Variants in RYK observed in about 807,000 individuals in gnomAD.
RYK encodes the protein inactive tyrosine-protein kinase RYK.
Under a neutral mutation model 70.2 loss-of-function variants are expected in RYK, and 21 were observed. The ratio of observed to expected loss-of-function variants is 0.30; its 90% CI spans 0.21 to 0.43. RYK has a LOEUF of 0.43. RYK is among the 20% of genes least tolerant of loss of function. The pLI is 1.00. For missense variants in RYK, 604 were observed against 753.3 expected, an observed-to-expected ratio of 0.80 and a Z score of 2.32; for synonymous variants, 267 against 278.0, an observed-to-expected ratio of 0.96 and a Z score of 0.39.
At chr3:134,229,932 T>C (rs2015012702) in intron 1 of RYK, among the ~76,000 whole-genome samples, 1 of 152,136 alleles carries the variant, frequency 6.6e-6, no homozygotes, top group African/African-American at 2.4e-5. Context: ...CTCTTACACA[T>C]TGCTAAGAGT....
chr3:134,209,524 T>G (rs1185736367), intron 4 of RYK, among the ~76,000 whole-genome samples, 171 bp downstream of exon 4: 1 of 152,222 alleles, frequency 6.6e-6, no homozygotes, highest in African/African-American at 2.4e-5. Flanking sequence ...AGTGAGATTC[T>G]TGGCTACCAA....
chr3:134,162,807 A>G (rs1490074956), intron 13 of RYK, among the ~76,000 whole-genome samples: 1 of 152,172 alleles, frequency 6.6e-6, no homozygotes, highest in Non-Finnish European at 1.5e-5. Flanking sequence ...AACAGAGCCC[A>G]AAGAAATGAA....
intron 2 of RYK, among the ~76,000 whole-genome samples, chr3:134,220,956 T>G (rs1043903959): frequency 2.0e-5 from 3 of 152,074 alleles, no homozygotes; most frequent in East Asian, 1.9e-4. Flanking sequence ...ACTTCACAGA[T>G]AGCAATATAG....
At chr3:134,181,350 T>C (rs1263365886) in intron 10 of RYK, 1 of 152,222 alleles carries the variant, frequency 6.6e-6, no homozygotes, top group African/African-American at 2.4e-5. Flanking sequence ...TCACCCTTGG[T>C]TGCCGAGAAG....
At position 134,163,231 on chromosome 3, in the gene RYK, G is replaced by A. The variant is rs796069494; in HGVS notation, c.1576-3858C>T. On this transcript the variant is annotated intron_variant, in intron 13 of 14. Transcript: ENST00000623711. The stretch of plus-strand genomic sequence containing the variant: ...AACTAACAAAAGTGATTAATTACAT[G>A]TTGGCAAACCAACCCTTAAAAAAAT... Among the ~76,000 whole-genome samples the A allele has an allele frequency of 3.3e-4, 50 of 152,266 alleles. 1 individual carries two copies. The highest frequency in any genetic ancestry group is 1.1e-3 in the African/African-American group (47 of 41,546).
chr3:134,242,412 A>G (rs1176214372), intron 1 of RYK, among the ~76,000 whole-genome samples: 3 of 152,242 alleles, frequency 2.0e-5, no homozygotes, highest in South Asian at 2.1e-4. Flanking sequence ...GTAACTGAGC[A>G]ATACACACAC....
At position 134,250,650 on chromosome 3, in the gene RYK, C is replaced by A; in HGVS notation, c.5G>T (p.Arg2Leu). ...CGGCCGCCCCAGCCGCGCCGCCCCACGCATGGCCGCCGCCGCCGCCGCCGA... is the reference window on the plus strand; with the variant it reads ...CGGCCGCCCCAGCCGCGCCGCCCCAAGCATGGCCGCCGCCGCCGCCGCCGA... M[R>L]GAARLGRPGR... The change falls in exon 1 of 15, where the codon CGT (arginine) becomes CTT (leucine). Residue 2 changes from arginine to leucine, a missense_variant. Coordinates refer to ENST00000623711, the MANE Select transcript of RYK (RefSeq NM_002958.4). 6 of 983,096 alleles carry A rather than the reference C, an allele frequency of 6.1e-6. No homozygotes were observed. The South Asian group carries it at 2.7e-4, about 44-fold the overall frequency. The allele number at this position is 983,096 out of a possible 1,614,324, so 60.9% of individuals were successfully genotyped here.
At chr3:134,201,107 T>A (rs1560013905) in intron 6 of RYK, among the ~76,000 whole-genome samples, 2 of 152,208 alleles carry the variant, frequency 1.3e-5, no homozygotes, top group Non-Finnish European at 2.9e-5. Context: ...ACCTGTATCC[T>A]CTCTCAAAGT....
chr3:134,188,150 A>ATAT (rs1560008643), intron 9 of RYK, among the ~76,000 whole-genome samples: 102 of 136,658 alleles, frequency 7.5e-4, no homozygotes, highest in African/African-American at 2.6e-3. Context: ...ACAATCTAAC[A>ATAT]ATATATATAT....
At position 134,159,320 on chromosome 3, in the gene RYK, G is replaced by A. The variant is rs373422007; in HGVS notation, c.1629C>T (p.Tyr543=). 1.2e-5 allele frequency: 20 copies of A among 1,613,860 alleles called. No individual in the cohort carries two copies. In the African/African-American group the frequency reaches 1.5e-4, roughly 12 times the overall value. The change falls in exon 14 of 15, where the codon TAC becomes TAT. Residue 543 remains tyrosine (Y), a synonymous_variant. Coordinates refer to ENST00000623711, the MANE Select transcript of RYK (RefSeq NM_002958.4). ...CCATCTCGAAGGGGTCAATGTCCAC[G>A]TAGGGAGTCTGGCCCAGAGTCATGA... is the stretch of plus-strand genomic sequence containing the variant. ...WELMTLGQTP[Y]VDIDPFEMAA... is the part of the protein sequence containing the mutation.
chr3:134,207,658 T>C, intron 4 of RYK, 133 bp from the exon 5 acceptor site: 1 of 596,102 alleles, frequency 1.7e-6, no homozygotes, highest in Non-Finnish European at 2.9e-6. Context: ...GCTATGTTAC[T>C]ATTCTGATAA....
intron 2 of RYK, among the ~76,000 whole-genome samples, chr3:134,220,582 A>G (rs532986348): frequency 6.6e-6 from 1 of 152,336 alleles, no homozygotes; most frequent in South Asian, 2.1e-4. Context: ...ACTTCTCAGC[A>G]GTAATTTACT....
At chr3:134,208,208 G>A (rs2014273616) in intron 4 of RYK, among the ~76,000 whole-genome samples, 1 of 152,186 alleles carries the variant, frequency 6.6e-6, no homozygotes, top group Non-Finnish European at 1.5e-5. Context: ...AGTATCAGCT[G>A]ATCATTAACC....
At chr3:134,250,385 C>T in intron 1 of RYK, 38 bp downstream of exon 1, 3 of 1,314,660 alleles carry the variant, frequency 2.3e-6, no homozygotes, top group Non-Finnish European at 2.9e-6. Flanking sequence ...CCCCAGCCGG[C>T]CCGACCTGCC....
chr3:134,175,602 C>A lies in RYK; in HGVS notation c.1575+7G>T, dbSNP rs767929434. ...TTCTTTTGCTATCTGGGGGTCCCGG[C>A]ACTTACCACATCACTAGCGCTAGAG... On this transcript the variant is annotated splice_region_variant and intron_variant, in intron 13 of 14. Transcript: ENST00000623711. The A allele has an allele frequency of 3.7e-6, 6 of 1,612,800 alleles. No individual in the cohort carries two copies. Among genetic ancestry groups the A allele is most frequent in the Non-Finnish European group, 4.2e-6 (5 of 1,179,590 alleles).
intron 5 of RYK, among the ~76,000 whole-genome samples, chr3:134,205,948 G>A (rs1030543645): frequency 3.9e-5 from 6 of 152,128 alleles, no homozygotes; most frequent in Admixed American, 2.0e-4. Context: ...TAGAAAGGGC[G>A]GGAAGATGAG....
Position 134,250,752 on chromosome 3 carries a change from C to T in RYK, c.-98G>A. 1.9e-6 allele frequency: 1 copy of T among 528,254 alleles called. No homozygotes were observed. Among genetic ancestry groups the T allele is most frequent in the Non-Finnish European group, 2.4e-6 (1 of 412,978 alleles). The allele number at this position is 528,254 out of a possible 1,614,324, so 32.7% of individuals were successfully genotyped here. On this transcript the variant is annotated 5_prime_UTR_variant, in exon 1 of 15. Coordinates refer to ENST00000623711, the MANE Select transcript of RYK (RefSeq NM_002958.4). ...GCTCACAGCCCCGAGCCGGGGGCGG[C>T]TGCCCAGCTCATCGCACCGCCGGCC...
intron 2 of RYK, 80 bp from the exon 3 acceptor site, chr3:134,211,687 CATTA>C: frequency 1.2e-5 from 11 of 901,196 alleles, no homozygotes; most frequent in Non-Finnish European, 1.8e-5. Flanking sequence ...TTAATTGGCT[CATTA>C]ATCAATGGAT....
chr3:134,188,801 G>A, intron 9 of RYK, 36 bp downstream of exon 9: 1 of 1,278,954 alleles, frequency 7.8e-7, no homozygotes, highest in Non-Finnish European at 1.1e-6. Context: ...TGAGACAGAA[G>A]AGCATCATGG....
Sources: allele counts gnomAD v4.1 joint callset (sites outside exome capture counted in the v4.1 genomes callset), GRCh38; gene constraint gnomAD v4.1.1; transcripts MANE v1.5; gene names NCBI Gene and HGNC (gene_info 2026-07-23, HGNC 2026-07-21).